The following PDE10A variants were observed in gnomAD, a reference collection of about 807,000 sequenced individuals.
PDE10A encodes the protein cAMP and cAMP-inhibited cGMP 3',5'-cyclic phosphodiesterase 10A.
PDE10A carries 39 observed loss-of-function variants against 97.7 expected under a neutral mutation model. The observed-to-expected ratio is 0.40, with a 90% CI of 0.31 to 0.52. PDE10A has a LOEUF of 0.52. Ranked by LOEUF, PDE10A falls within the 20% of genes least tolerant of loss-of-function variation. The pLI is 0.56. For synonymous variants in PDE10A, 371 were observed against 376.8 expected (o/e 0.98, Z 0.18); for missense variants, 731 against 1,047.8 (o/e 0.70, Z 4.17).
chr6:165,764,541 G>GAT (rs59814378), intron 1 of PDE10A, among the ~76,000 whole-genome samples: 1 of 151,888 alleles, frequency 6.6e-6, no homozygotes, highest in East Asian at 1.9e-4. Context: ...TGTTCCTTCT[G>GAT]GTGTTCGGAG....
At chr6:165,849,620 C>T (rs1284236505) in intron 1 of PDE10A, among the ~76,000 whole-genome samples, 1 of 152,182 alleles carries the variant, frequency 6.6e-6, no homozygotes, top group African/African-American at 2.4e-5. Flanking sequence ...CTTCTAAGTT[C>T]TACTGCCAAG....
intron 1 of PDE10A, among the ~76,000 whole-genome samples, chr6:165,694,848 A>G (rs879767324): frequency 5.9e-5 from 9 of 152,184 alleles, no homozygotes; most frequent in Non-Finnish European, 1.2e-4. Flanking sequence ...CAAAAAACAA[A>G]AGCAACTGAT....
At chr6:165,699,182 G>A (rs988198364) in intron 1 of PDE10A, among the ~76,000 whole-genome samples, 3 of 152,158 alleles carry the variant, frequency 2.0e-5, no homozygotes, top group Non-Finnish European at 2.9e-5. Context: ...CACAGGAAAG[G>A]TGAAGTGGCT....
At chr6:165,666,583 T>G (rs1790502195), upstream of PDE10A, among the ~76,000 whole-genome samples, 1 of 152,186 alleles carries the variant, frequency 6.6e-6, no homozygotes. Flanking sequence ...AATAGGATAC[T>G]TTATTTACTA....
At chr6:165,491,430 T>C (rs184511926) in intron 2 of PDE10A, among the ~76,000 whole-genome samples, 20 of 152,256 alleles carry the variant, frequency 1.3e-4, no homozygotes, top group Non-Finnish European at 2.5e-4. Flanking sequence ...TAGCCAACAA[T>C]TGCAGAATAT....
intron 1 of PDE10A, among the ~76,000 whole-genome samples, chr6:165,642,390 A>G (rs1789178788): frequency 6.6e-6 from 1 of 152,222 alleles, no homozygotes; most frequent in Non-Finnish European, 1.5e-5. Context: ...CTATCGACAC[A>G]TAGGAGGCAC....
chr6:165,431,154 T>C (rs1415747659), intron 8 of PDE10A, among the ~76,000 whole-genome samples: 1 of 151,936 alleles, frequency 6.6e-6, no homozygotes, highest in Non-Finnish European at 1.5e-5. Context: ...CAGCAGGACA[T>C]ATGCCATTTA....
chr6:165,354,001 T>C (rs889796146), intron 18 of PDE10A, among the ~76,000 whole-genome samples: 8 of 152,222 alleles, frequency 5.3e-5, no homozygotes, highest in Non-Finnish European at 8.8e-5. Flanking sequence ...CTGTACTTTC[T>C]ACCCAATCTT....
chr6:165,514,652 G>A (rs1010849937), intron 2 of PDE10A, among the ~76,000 whole-genome samples: 1 of 152,174 alleles, frequency 6.6e-6, no homozygotes, highest in Non-Finnish European at 1.5e-5. Flanking sequence ...GCTGGCCCCC[G>A]AAATGCCATT....
intron 2 of PDE10A, among the ~76,000 whole-genome samples, chr6:165,490,046 C>T (rs1780139043): frequency 6.6e-6 from 1 of 152,182 alleles, no homozygotes; most frequent in African/African-American, 2.4e-5. Context: ...GGAAAACTTA[C>T]CTAGCCTTGC....
chr6:165,929,189 A>G (rs1313500189), intron 1 of PDE10A, among the ~76,000 whole-genome samples: 1 of 152,028 alleles, frequency 6.6e-6, no homozygotes, highest in Non-Finnish European at 1.5e-5. Flanking sequence ...TAAACTGGTA[A>G]AGACGTGGTT....
intron 1 of PDE10A, among the ~76,000 whole-genome samples, chr6:165,913,621 C>G (rs1175626205): frequency 6.6e-6 from 1 of 152,110 alleles, no homozygotes; most frequent in Non-Finnish European, 1.5e-5. Context: ...GTTTATGGAC[C>G]TGACTTCGCA....
intron 2 of PDE10A, among the ~76,000 whole-genome samples, chr6:165,488,180 A>G (rs1780028147): frequency 1.3e-5 from 2 of 152,216 alleles, no homozygotes; most frequent in Non-Finnish European, 2.9e-5. Flanking sequence ...AAACTTGCAT[A>G]CCAGTGGGAT....
Position 165,711,110 on chromosome 6 carries a change from G to A in PDE10A, c.-614-167542C>T, listed in dbSNP as rs962166298. On this transcript the variant is annotated intron_variant, in intron 1 of 19. Transcript: ENST00000366882. This position sits in a 1 kb window ranked among gnomAD's most constrained non-coding sequence, Gnocchi z 4.5. ...TCCCGCTCCTCAAAGCCAACAAAGC[G>A]GGTCCTTTGCTCCCACCTTTAAGCA... Among the ~76,000 whole-genome samples, 3 of 152,334 alleles carry A rather than the reference G, an allele frequency of 2.0e-5. No individual in the cohort carries two copies. Among genetic ancestry groups the A allele is most frequent in the East Asian group, 3.9e-4 (2 of 5,184 alleles).
At chr6:165,360,217 GCA>G (rs1783315461) in intron 18 of PDE10A, among the ~76,000 whole-genome samples, 2 of 152,210 alleles carry the variant, frequency 1.3e-5, no homozygotes, top group Admixed American at 1.3e-4. Context: ...GCTTAACTCT[GCA>G]CACTGTGGCA....
chr6:165,925,974 G>A (rs940268908), intron 1 of PDE10A, among the ~76,000 whole-genome samples: 4 of 152,160 alleles, frequency 2.6e-5, no homozygotes, highest in Admixed American at 6.5e-5. Flanking sequence ...GCCATTGGGG[G>A]GAACTGCAAG....
At chr6:165,985,833 TC>T (rs922497497) in intron 1 of PDE10A, among the ~76,000 whole-genome samples, 17 of 150,530 alleles carry the variant, frequency 1.1e-4, no homozygotes, top group African/African-American at 3.9e-4. Context: ...CCTCTTCCCT[TC>T]CCACCCCACC....
intron 1 of PDE10A, chr6:165,754,306 T>C (rs987461926): frequency 2.6e-5 from 4 of 152,152 alleles, no homozygotes; most frequent in African/African-American, 9.7e-5. Context: ...TTCTAATATT[T>C]TTGAAACACA....
At chr6:165,368,520 G>T (rs572430220) in intron 18 of PDE10A, among the ~76,000 whole-genome samples, 3 of 151,796 alleles carry the variant, frequency 2.0e-5, no homozygotes, top group Admixed American at 6.6e-5. Context: ...GTAAACTCAG[G>T]AACAACCACT....
Sources: gnomAD v4.1 joint callset for allele counts (sites outside exome capture counted in the v4.1 genomes callset) on GRCh38, gnomAD v4.1.1 for gene constraint, Gnocchi (gnomAD v3.1) non-coding constraint, MANE v1.5 for transcripts, NCBI Gene and HGNC (gene_info 2026-07-23, HGNC 2026-07-21) for gene names.